TNFRSF21: variants seen among roughly 807,000 people sequenced by gnomAD.
TNFRSF21 encodes tumor necrosis factor receptor superfamily member 21.
TNFRSF21 carries 19 observed loss-of-function variants against 45.6 expected under a neutral mutation model. That is an observed-to-expected ratio of 0.42 (90% confidence interval 0.29 to 0.61). The LOEUF is 0.61. Among genes scored for constraint, TNFRSF21 ranks in the 20% least tolerant of loss-of-function variants. The pLI, the probability that TNFRSF21 is intolerant of heterozygous loss-of-function variation, is 0.23. For missense variants in TNFRSF21, 737 were observed against 851.5 expected, an observed-to-expected ratio of 0.87 and a Z score of 1.67; for synonymous variants, 314 against 335.5, an observed-to-expected ratio of 0.94 and a Z score of 0.70.
intron 2 of TNFRSF21, 132 bp downstream of exon 2, chr6:47,285,812 T>C (rs1582350620): frequency 1.0e-6 from 1 of 997,658 alleles, no homozygotes; most frequent in Non-Finnish European, 1.4e-6. Context: ...AGCCACCATA[T>C]GAAGGCCTCT....
chr6:47,303,191 G>A (rs1368143141), intron 1 of TNFRSF21, among the ~76,000 whole-genome samples: 3 of 152,182 alleles, frequency 2.0e-5, no homozygotes, highest in African/African-American at 7.2e-5. Flanking sequence ...AAAACAGATA[G>A]ATTTGCAAGG....
intron 4 of TNFRSF21, among the ~76,000 whole-genome samples, chr6:47,249,797 C>G (rs180802540): frequency 5.2e-4 from 79 of 152,186 alleles, no homozygotes; most frequent in African/African-American, 1.8e-3. Flanking sequence ...GCCTATATCT[C>G]ATAATTAAGC....
chr6:47,233,073 T>TAGAGGGGGGGACATA, intron 5 of TNFRSF21, 79 bp from the exon 6 acceptor site: 1 of 1,317,372 alleles, frequency 7.6e-7, no homozygotes, highest in Non-Finnish European at 1.1e-6. Context: ...AGCAGGGTCC[T>TAGAGGGGGGGACATA]AGAGAGAGAG....
chr6:47,260,890 T>A (rs1230385287), intron 3 of TNFRSF21, among the ~76,000 whole-genome samples: 1 of 152,210 alleles, frequency 6.6e-6, no homozygotes, highest in Non-Finnish European at 1.5e-5. Context: ...ACATGTAATG[T>A]CAGTTCTCAT....
chr6:47,243,663 C>T (rs1015103294), intron 4 of TNFRSF21, among the ~76,000 whole-genome samples: 1 of 152,104 alleles, frequency 6.6e-6, no homozygotes, highest in African/African-American at 2.4e-5. Flanking sequence ...AGTGATCTGC[C>T]CACCTTGGCC....
At chr6:47,282,947 T>C (rs1160767444) in intron 3 of TNFRSF21, among the ~76,000 whole-genome samples, 1 of 152,234 alleles carries the variant, frequency 6.6e-6, no homozygotes, top group African/African-American at 2.4e-5. Flanking sequence ...TTTGTGCTTA[T>C]ATCTTTGTTT....
chr6:47,240,764 C>T (rs577052379), intron 4 of TNFRSF21, among the ~76,000 whole-genome samples: 6 of 152,204 alleles, frequency 3.9e-5, no homozygotes, highest in South Asian at 4.1e-4. Context: ...TGGATGACTG[C>T]GCTAAGATAA....
Position 47,284,090 on chromosome 6 carries a change from A to G in TNFRSF21, c.1091T>C (p.Val364Ala). 2 of 1,614,102 alleles carry G rather than the reference A, an allele frequency of 1.2e-6. No homozygotes were observed. Among genetic ancestry groups the G allele is most frequent in the Non-Finnish European group, 1.7e-6 (2 of 1,180,024 alleles). Residue 364 changes from valine to alanine, a missense_variant, in exon 3 of 6, where the codon GTG becomes GCG. Physicochemically the swap from Val to Ala is moderately conservative, Grantham distance 64 (BLOSUM62 0). Coordinates refer to ENST00000296861, the MANE Select transcript of TNFRSF21 (RefSeq NM_014452.5). ...IVLFLLLVLV[V>A]IVVCSIRKSS... ...TTTCCGGATACTGCACACCACAATC[A>G]CCACAAGCACCAGCAGCAGGAAAAG...
chr6:47,285,787 A>G (rs1043363929), intron 2 of TNFRSF21, among the ~76,000 whole-genome samples, 157 bp downstream of exon 2: 3 of 152,198 alleles, frequency 2.0e-5, no homozygotes, highest in African/African-American at 7.2e-5. Context: ...AAGTCCAAAA[A>G]AGCCAGATTT....
intron 3 of TNFRSF21, among the ~76,000 whole-genome samples, chr6:47,282,713 T>C (rs909212694): frequency 1.3e-5 from 2 of 152,176 alleles, no homozygotes; most frequent in East Asian, 3.9e-4. Flanking sequence ...TTAATGAGAG[T>C]TGGGATTATA....
intron 1 of TNFRSF21, among the ~76,000 whole-genome samples, chr6:47,303,223 C>T (rs919843056): frequency 6.6e-6 from 1 of 152,198 alleles, no homozygotes; most frequent in African/African-American, 2.4e-5. Flanking sequence ...CAGAGCCACA[C>T]AGCAGTACTG....
intron 4 of TNFRSF21, among the ~76,000 whole-genome samples, chr6:47,242,988 C>T (rs1361963502): frequency 1.3e-5 from 2 of 152,200 alleles, no homozygotes; most frequent in African/African-American, 2.4e-5. Context: ...TGCCATAAGA[C>T]ACTGTGGAGG....
chr6:47,245,586 CTA>C (rs1391644828), intron 4 of TNFRSF21, among the ~76,000 whole-genome samples: 2 of 152,050 alleles, frequency 1.3e-5, no homozygotes, highest in East Asian at 3.9e-4. Context: ...TATTAAAATT[CTA>C]TGATGCATAT....
At chr6:47,280,380 G>A (rs991404426) in intron 3 of TNFRSF21, among the ~76,000 whole-genome samples, 1 of 152,190 alleles carries the variant, frequency 6.6e-6, no homozygotes, top group Non-Finnish European at 1.5e-5. Flanking sequence ...GCCTCTCTGA[G>A]CACCTGGAAT....
intron 3 of TNFRSF21, among the ~76,000 whole-genome samples, chr6:47,254,074 T>C (rs1227159287): frequency 1.3e-5 from 2 of 152,228 alleles, no homozygotes; most frequent in East Asian, 1.9e-4. Flanking sequence ...GGAAGCACTT[T>C]ATGGCCGCTG....
intron 3 of TNFRSF21, among the ~76,000 whole-genome samples, chr6:47,273,756 G>A (rs1369557603): frequency 6.6e-6 from 1 of 152,158 alleles, no homozygotes; most frequent in Non-Finnish European, 1.5e-5. Context: ...CATATATTTA[G>A]AAAATCCCAT....
intron 3 of TNFRSF21, among the ~76,000 whole-genome samples, chr6:47,261,224 A>C (rs545619004): frequency 6.6e-6 from 1 of 152,344 alleles, no homozygotes; most frequent in South Asian, 2.1e-4. Context: ...CATATGTCAA[A>C]GTCAGAAATT....
At chr6:47,256,421 G>C (rs1437430051) in intron 3 of TNFRSF21, among the ~76,000 whole-genome samples, 1 of 152,262 alleles carries the variant, frequency 6.6e-6, no homozygotes, top group Non-Finnish European at 1.5e-5. Context: ...CTACTTGGGA[G>C]ACTGAGGTGG....
chr6:47,266,383 T>C (rs1245783677), intron 3 of TNFRSF21, among the ~76,000 whole-genome samples: 1 of 152,156 alleles, frequency 6.6e-6, no homozygotes, highest in Non-Finnish European at 1.5e-5. Flanking sequence ...TAAAACCATT[T>C]TTGCTGGCTT....
Sources: allele counts gnomAD v4.1 joint callset (sites outside exome capture counted in the v4.1 genomes callset), GRCh38; gene constraint gnomAD v4.1.1; transcripts MANE v1.5; gene names NCBI Gene and HGNC (gene_info 2026-07-23, HGNC 2026-07-21).